The following NARS1 variants were observed in gnomAD, a reference collection of about 807,000 sequenced individuals.
NARS1 encodes asparagine--tRNA ligase, cytoplasmic.
NARS1 carries 65 observed loss-of-function variants against 79.2 expected under a neutral mutation model. That is an observed-to-expected ratio of 0.82 (90% confidence interval 0.67 to 1.01). The LOEUF (loss-of-function observed/expected upper bound fraction) is 1.01, where lower values mean the gene tolerates loss of function less well. NARS1 is among the 50% of genes least tolerant of loss of function. The pLI is 0.00. For synonymous variants in NARS1, 229 were observed against 238.8 expected (o/e 0.96, Z 0.38); for missense variants, 649 against 673.8 (o/e 0.96, Z 0.41).
chr18:57,605,740 C>T, intron 11 of NARS1, 117 bp downstream of exon 11: 1 of 691,398 alleles, frequency 1.4e-6, no homozygotes, highest in South Asian at 1.9e-5. Flanking sequence ...GCAGGTCCTG[C>T]TGTTACCATT....
At position 57,615,922 on chromosome 18, in the gene NARS1, T is replaced by C; in HGVS notation, c.147A>G (p.Gln49=). 1 of 1,613,446 alleles carries C rather than the reference T, an allele frequency of 6.2e-7. No individual in the cohort carries two copies. The highest frequency in any genetic ancestry group is 8.5e-7 in the Non-Finnish European group (1 of 1,179,780). Reference sequence around the variant, plus strand: ...TAACATTCCACCTCTCATTTTCTTTTTGTGAATCTACGTAAATGGTAGGAA... The same window carrying C: ...TAACATTCCACCTCTCATTTTCTTTCTGTGAATCTACGTAAATGGTAGGAA... ...EPFPTIYVDS[Q]KENERWNVIS... Residue 49 remains glutamine, a synonymous_variant, in exon 3 of 14, where the codon CAA becomes CAG. Coordinates refer to ENST00000256854, the MANE Select transcript of NARS1 (RefSeq NM_004539.4).
intron 6 of NARS1, 110 bp from the exon 7 acceptor site, chr18:57,609,553 T>C: frequency 1.3e-6 from 1 of 774,508 alleles, no homozygotes; most frequent in Non-Finnish European, 2.1e-6. Flanking sequence ...CAAATACTAG[T>C]AAAATAAAGA....
At chr18:57,607,396 A>G (rs2051567545) in intron 8 of NARS1, 48 bp downstream of exon 8, 1 of 1,610,972 alleles carries the variant, frequency 6.2e-7, no homozygotes, top group South Asian at 1.1e-5. Context: ...CAAGTTTCAA[A>G]ACGGCAAAAA....
rs1382621844 is a variant in NARS1, at chr18:57,600,718, T to C, written c.*934A>G. On this transcript the variant is annotated 3_prime_UTR_variant, in exon 14 of 14. Coordinates refer to ENST00000256854, the MANE Select transcript of NARS1 (RefSeq NM_004539.4). ...TACAGCCTATTGAGAATACATGACA[T>C]GCATTTGGTGGAGAAATCAACTAAA... 6.6e-6 allele frequency: 1 copy of C among 152,212 alleles called. No homozygotes were observed. The highest frequency in any genetic ancestry group is 1.5e-5 in the Non-Finnish European group (1 of 68,042). 9.4% of individuals were successfully genotyped at this position (152,212 alleles called of 1,614,324 possible).
chr18:57,613,080 G>A (rs1172185880), intron 5 of NARS1, among the ~76,000 whole-genome samples: 1 of 152,038 alleles, frequency 6.6e-6, no homozygotes, highest in African/African-American at 2.4e-5. Context: ...ACAAATTTAA[G>A]ATATAAATCA....
In NARS1 at chr18:57,615,845, A is replaced by G; in HGVS notation, c.224T>C (p.Met75Thr). The part of the protein sequence containing the change: ...NIKKMWHREQ[M>T]KSESREKKEA... Reference sequence around the variant, plus strand: ...TTTCTTTTCCCGGGATTCACTCTTCATTTGTTCCCTATGCCACATCTTTTT... The same window carrying G: ...TTTCTTTTCCCGGGATTCACTCTTCGTTTGTTCCCTATGCCACATCTTTTT... Residue 75 changes from methionine (M) to threonine (T), a missense_variant, in exon 3 of 14, where the codon ATG becomes ACG. By Grantham distance (81) the Met-to-Thr change is moderately conservative. Coordinates refer to ENST00000256854, the MANE Select transcript of NARS1 (RefSeq NM_004539.4). The G allele has an allele frequency of 6.2e-7, 1 of 1,613,178 alleles. No individual in the cohort carries two copies. Among genetic ancestry groups the G allele is most frequent in the Non-Finnish European group, 8.5e-7 (1 of 1,179,744 alleles).
At chr18:57,606,948 A>T in intron 9 of NARS1, 186 bp downstream of exon 9, 1 of 911,006 alleles carries the variant, frequency 1.1e-6, no homozygotes, top group Non-Finnish European at 1.6e-6. Context: ...TAAAAGATCA[A>T]GTCAAAGTGA....
At chr18:57,607,842 AATACACACTCAC>A (rs1436837420) in intron 7 of NARS1, among the ~76,000 whole-genome samples, 177 bp from the exon 8 acceptor site, 7 of 128,374 alleles carry the variant, frequency 5.5e-5, no homozygotes, top group Non-Finnish European at 9.0e-5. Context: ...TTTCTGGATA[AATACACACTCAC>A]ATACACACAA....
rs2051571651 is a variant in NARS1, at chr18:57,607,778, C to T, written c.580-113G>A. 1.4e-5 allele frequency: 11 copies of T among 799,592 alleles called. No individual in the cohort carries two copies. The East Asian group carries it at 2.9e-4, about 21-fold the overall frequency. 49.5% of individuals were successfully genotyped at this position (799,592 alleles called of 1,614,324 possible). On this transcript the variant is annotated intron_variant, in intron 7 of 13. Coordinates refer to ENST00000256854, the MANE Select transcript of NARS1 (RefSeq NM_004539.4). ...TTTGGTAAGCTGAGATTTTTAAGAA[C>T]CTCCTAATTCTCAGCTTTAGTTTAG...
chr18:57,604,838 A>T (rs2051539903), intron 11 of NARS1, among the ~76,000 whole-genome samples: 1 of 152,134 alleles, frequency 6.6e-6, no homozygotes, highest in Non-Finnish European at 1.5e-5. Context: ...GTAGCCAGCT[A>T]TGATCGCACC....
At position 57,620,514 on chromosome 18, in the gene NARS1, T is replaced by G. The variant is rs1191359961; in HGVS notation, c.93+55A>C. 20 of 1,230,642 alleles carry G rather than the reference T, an allele frequency of 1.6e-5. No homozygotes were observed. In the Middle Eastern group the frequency reaches 7.7e-4, roughly 48 times the overall value. The allele number at this position is 1,230,642 out of a possible 1,614,324, so 76.2% of individuals were successfully genotyped here. On this transcript the variant is annotated intron_variant, in intron 2 of 13. Transcript: ENST00000256854. ...AGTTCTTGGCAAGTCACAAGAAAATTGACATAACTCATTAATAAATGCAGT... is the reference window on the plus strand; with the variant it reads ...AGTTCTTGGCAAGTCACAAGAAAATGGACATAACTCATTAATAAATGCAGT...
At chr18:57,603,738 T>A (rs2122420723) in intron 11 of NARS1, among the ~76,000 whole-genome samples, 1 of 152,192 alleles carries the variant, frequency 6.6e-6, no homozygotes, top group Middle Eastern at 3.4e-3. Context: ...GCACACCTGT[T>A]TTCAAGCTCC....
rs2051515571 is a variant in NARS1 at position 57,602,403 on chromosome 18, A to G, written c.1467T>C (p.Tyr489=). ...GAGTGGGGTCAATCCCTTCCCTTTT[A>G]TAACCTGCCAGTATTTCTTCACTAT... ...IFDSEEILAG[Y]KREGIDPTPY... The change falls in exon 13 of 14, where the codon TAT becomes TAC. Residue 489 remains tyrosine, a synonymous_variant. Coordinates refer to ENST00000256854, the MANE Select transcript of NARS1 (RefSeq NM_004539.4). The G allele has an allele frequency of 6.2e-7, 1 of 1,613,906 alleles. No homozygotes were observed. Among genetic ancestry groups the G allele is most frequent in the Non-Finnish European group, 8.5e-7 (1 of 1,179,888 alleles).
At chr18:57,601,839 T>C in intron 13 of NARS1, 56 bp from the exon 14 acceptor site, 4 of 1,572,532 alleles carry the variant, frequency 2.5e-6, no homozygotes, top group Non-Finnish European at 3.5e-6. Context: ...AAAACTTTCA[T>C]CTAAGACAGT....
At chr18:57,608,437 CAAAAAAAAA>C (rs1175712420) in intron 7 of NARS1, among the ~76,000 whole-genome samples, 1 of 78,276 alleles carries the variant, frequency 1.3e-5, no homozygotes, top group South Asian at 6.5e-4. Flanking sequence ...AACTCCGTCT[CAAAAAAAAA>C]AAAAAAAAAA....
chr18:57,603,931 C>T (rs1248329978), intron 11 of NARS1, among the ~76,000 whole-genome samples: 1 of 152,218 alleles, frequency 6.6e-6, no homozygotes, highest in Non-Finnish European at 1.5e-5. Flanking sequence ...ACTCTAGTGT[C>T]CTCATGTGTG....
At position 57,607,650 on chromosome 18, in the gene NARS1, C is replaced by G; in HGVS notation, c.595G>C (p.Glu199Gln). The G allele has an allele frequency of 6.2e-7, 1 of 1,612,864 alleles. No homozygotes were observed. Among genetic ancestry groups the G allele is most frequent in the African/African-American group, 1.3e-5 (1 of 74,990 alleles). Residue 199 changes from glutamate (E) to glutamine (Q), a missense_variant, in exon 8 of 14, where the codon GAG becomes CAG. Transcript: ENST00000256854. ...PKGKQAPGGH[E>Q]LSCDFWELIG... Reference sequence around the variant, plus strand: ...AGTTCCCAGAAGTCACAACTCAGCTCATGGCCACCTGGAGCCTGCATTTTT... The same window carrying G: ...AGTTCCCAGAAGTCACAACTCAGCTGATGGCCACCTGGAGCCTGCATTTTT...
At chr18:57,608,437 C>CAAAAAAAAAAAAA (rs1175712420) in intron 7 of NARS1, among the ~76,000 whole-genome samples, 23 of 78,224 alleles carry the variant, frequency 2.9e-4, no homozygotes, top group East Asian at 1.8e-3. Context: ...AACTCCGTCT[C>CAAAAAAAAAAAAA]AAAAAAAAAA....
Position 57,609,397 on chromosome 18 carries a change from G to T in NARS1, c.539C>A (p.Ala180Glu). The stretch of plus-strand genomic sequence containing the variant: ...GGTAAGATTTAGCATTCCATACACT[G>T]CAACACTGCTCTCCGTGGACAAGAG... ...GVLLSTESSV[A>E]VYGMLNLTPK... is the part of the protein sequence containing the mutation. Residue 180 changes from alanine (A) to glutamate (E), a missense_variant, in exon 7 of 14, where the codon GCA becomes GAA. By Grantham distance (107) the Ala-to-Glu change is moderately radical. Transcript: ENST00000256854. The T allele has an allele frequency of 6.2e-7, 1 of 1,613,960 alleles. No homozygotes were observed. The highest frequency in any genetic ancestry group is 8.5e-7 in the Non-Finnish European group (1 of 1,179,988).
Sources: allele counts gnomAD v4.1 joint callset (sites outside exome capture counted in the v4.1 genomes callset), GRCh38; gene constraint gnomAD v4.1.1; transcripts MANE v1.5; gene names NCBI Gene and HGNC (gene_info 2026-07-23, HGNC 2026-07-21).